The following ARID1B variants were observed in gnomAD, a reference collection of about 807,000 sequenced individuals.
ARID1B encodes the protein AT-rich interactive domain-containing protein 1B.
In ARID1B, 30 loss-of-function variants were observed where a neutral mutation model predicts 212.3. That is an observed-to-expected ratio of 0.14 (90% confidence interval 0.11 to 0.19). The LOEUF is 0.19. Among genes scored for constraint, ARID1B ranks in the 10% least tolerant of loss-of-function variants. ARID1B has a pLI of 1.00. For synonymous variants in ARID1B, 1,402 were observed against 1,301.7 expected (o/e 1.08, Z -1.66); for missense variants, 2,891 against 3,204.0 (o/e 0.90, Z 2.36).
chr6:157,188,967 C>T (rs1793169368), intron 13 of ARID1B, among the ~76,000 whole-genome samples: 1 of 152,054 alleles, frequency 6.6e-6, no homozygotes, highest in African/African-American at 2.4e-5. Flanking sequence ...AATCTCAGCA[C>T]CCTGATAACA....
intron 2 of ARID1B, among the ~76,000 whole-genome samples, chr6:156,882,419 G>A (rs1168208576): frequency 6.6e-6 from 1 of 152,164 alleles, no homozygotes; most frequent in Non-Finnish European, 1.5e-5. Context: ...CAGGGCCTGG[G>A]ATGATTCTGT....
In ARID1B at chr6:157,087,483, A is replaced by G. The variant is rs1297339817; in HGVS notation, c.2491+2578A>G. Among the ~76,000 whole-genome samples the G allele has an allele frequency of 3.9e-5, 6 of 152,206 alleles. No individual in the cohort carries two copies. The South Asian group carries it at 8.3e-4, about 21-fold the overall frequency. On this transcript the variant is annotated intron_variant, in intron 5 of 19. Transcript: ENST00000636930. ...ACCCCACCTTATAGGGGAAATGCAA[A>G]GATTAAATGTGTCACTGCACGTGAG...
At chr6:156,871,750 G>C in intron 2 of ARID1B, 1 of 1,407,852 alleles carries the variant, frequency 7.1e-7, no homozygotes, top group Non-Finnish European at 9.9e-7. Context: ...CCCTCCTGCA[G>C]GAACAGGGGC....
chr6:157,103,423 C>T lies in ARID1B; in HGVS notation c.2492-7049C>T, dbSNP rs551376573. Among the ~76,000 whole-genome samples the T allele has an allele frequency of 6.5e-4, 99 of 152,256 alleles. 1 individual carries two copies. The highest frequency in any genetic ancestry group is 1.1e-3 in the Non-Finnish European group (73 of 68,010). ...ACTATGGAAAGTGTTAATACTGTGT[C>T]CAGTTGTAAAAAATCGTAGAACGTG... On this transcript the variant is annotated intron_variant, in intron 5 of 19. Coordinates refer to ENST00000636930, the MANE Select transcript of ARID1B (RefSeq NM_001374828.1).
chr6:156,882,621 C>G (rs1787190884), intron 2 of ARID1B, among the ~76,000 whole-genome samples: 1 of 152,130 alleles, frequency 6.6e-6, no homozygotes, highest in East Asian at 1.9e-4. Context: ...AGCACGGTTC[C>G]CATCACACAC....
chr6:156,979,307 A>G (rs894861566), intron 4 of ARID1B, among the ~76,000 whole-genome samples: 2 of 152,136 alleles, frequency 1.3e-5, no homozygotes, highest in Non-Finnish European at 2.9e-5. Flanking sequence ...GTTCCAGTGA[A>G]TCTTGTTTTC....
chr6:157,110,703 C>A, intron 6 of ARID1B, 142 bp downstream of exon 6: 2 of 818,472 alleles, frequency 2.4e-6, no homozygotes, highest in Non-Finnish European at 3.9e-6. Context: ...GAAATAAAAG[C>A]CCTTCCAACA....
At chr6:156,880,529 A>G (rs1450189350) in intron 2 of ARID1B, among the ~76,000 whole-genome samples, 2 of 152,092 alleles carry the variant, frequency 1.3e-5, no homozygotes, top group Non-Finnish European at 2.9e-5. Context: ...GCTGAGGTCA[A>G]GGAGTTCGAG....
intron 5 of ARID1B, among the ~76,000 whole-genome samples, chr6:157,102,194 A>G (rs145029023): frequency 1.3e-5 from 2 of 152,328 alleles, no homozygotes; most frequent in African/African-American, 2.4e-5. Context: ...TAAAGGATTA[A>G]TGTGGGAATC....
At chr6:157,039,437 TCTC>T (rs1293791079) in intron 4 of ARID1B, among the ~76,000 whole-genome samples, 2 of 149,470 alleles carry the variant, frequency 1.3e-5, no homozygotes, top group Non-Finnish European at 3.0e-5. Flanking sequence ...TTCACGCCAT[TCTC>T]CTGCCTCAGC....
chr6:156,878,268 C>T (rs1002290454), intron 2 of ARID1B, among the ~76,000 whole-genome samples: 3 of 151,916 alleles, frequency 2.0e-5, no homozygotes, highest in Non-Finnish European at 4.4e-5. Context: ...CGATGAAGAC[C>T]GAGTCTAGCC....
In ARID1B at chr6:157,094,688, G is replaced by A. The variant is rs1419598883; in HGVS notation, c.2491+9783G>A. On this transcript the variant is annotated intron_variant, in intron 5 of 19. Coordinates refer to ENST00000636930, the MANE Select transcript of ARID1B (RefSeq NM_001374828.1). The surrounding 1 kb of genome is among the most constrained non-coding windows in gnomAD (Gnocchi z 4.3). ...AGTTTAAGTGTGATGTGATCCCTCTGGAAGGTTGGGAAGGCAGGAAATAGC... is the reference window on the plus strand; with the variant it reads ...AGTTTAAGTGTGATGTGATCCCTCTAGAAGGTTGGGAAGGCAGGAAATAGC... 6.6e-6 allele frequency among the ~76,000 whole-genome samples: 1 copy of A among 152,138 alleles called. No homozygotes were observed. The highest frequency in any genetic ancestry group is 1.5e-5 in the Non-Finnish European group (1 of 68,024).
At chr6:157,007,584 T>C (rs2128445655) in intron 4 of ARID1B, among the ~76,000 whole-genome samples, 1 of 152,294 alleles carries the variant, frequency 6.6e-6, no homozygotes, top group African/African-American at 2.4e-5. Context: ...ATTTGAAATA[T>C]TAAAATAGAA....
intron 6 of ARID1B, among the ~76,000 whole-genome samples, chr6:157,113,009 C>T (rs1787043595): frequency 6.6e-6 from 1 of 151,664 alleles, no homozygotes; most frequent in African/African-American, 2.4e-5. Flanking sequence ...GCAACCTCTG[C>T]CTCCTGGGTT....
chr6:157,015,723 G>A (rs531520232), intron 4 of ARID1B, among the ~76,000 whole-genome samples: 206 of 152,290 alleles, frequency 1.4e-3, no homozygotes, highest in African/African-American at 4.7e-3. Flanking sequence ...CTGACTTACC[G>A]TATAACCCTG....
At chr6:157,188,123 C>T (rs1793108089) in intron 13 of ARID1B, among the ~76,000 whole-genome samples, 1 of 151,992 alleles carries the variant, frequency 6.6e-6, no homozygotes, top group Admixed American at 6.6e-5. Flanking sequence ...TCAATCTTCT[C>T]TGTATAACAA....
chr6:157,018,505 T>C (rs1222616347), intron 4 of ARID1B, among the ~76,000 whole-genome samples: 2 of 152,206 alleles, frequency 1.3e-5, no homozygotes, highest in Non-Finnish European at 2.9e-5. Context: ...TGAGCCACCG[T>C]GCCCGGCATA....
chr6:156,921,271 A>G (rs193066048), intron 3 of ARID1B, among the ~76,000 whole-genome samples: 1 of 152,274 alleles, frequency 6.6e-6, no homozygotes, highest in East Asian at 1.9e-4. Context: ...TAAAGTGACT[A>G]AAGAAATAAA....
Position 157,198,748 on chromosome 6 carries a change from T to C in ARID1B, c.4383-63T>C, listed in dbSNP as rs1189670543. On this transcript the variant is annotated intron_variant, in intron 16 of 19. Coordinates refer to ENST00000636930, the MANE Select transcript of ARID1B (RefSeq NM_001374828.1). ...GAGTCAGGGTTCCAGAAATGGATTG[T>C]TTATTTCTCTGTTTGCCTGAAGCTT... 23 of 1,400,512 alleles carry C rather than the reference T, an allele frequency of 1.6e-5. 1 individual carries two copies. Among genetic ancestry groups the C allele is most frequent in the Non-Finnish European group, 2.3e-5 (23 of 1,008,060 alleles). 86.8% of individuals were successfully genotyped at this position (1,400,512 alleles called of 1,614,324 possible).
Sources: gnomAD v4.1 joint callset for allele counts (sites outside exome capture counted in the v4.1 genomes callset) on GRCh38, gnomAD v4.1.1 for gene constraint, Gnocchi (gnomAD v3.1) non-coding constraint, MANE v1.5 for transcripts, NCBI Gene and HGNC (gene_info 2026-07-23, HGNC 2026-07-21) for gene names.